The following SEPTIN9 variants were observed in gnomAD, a reference collection of about 807,000 sequenced individuals.
SEPTIN9 encodes septin-9.
A neutral mutation model predicts 56.6 loss-of-function variants in SEPTIN9; 13 were observed. The ratio of observed to expected loss-of-function variants is 0.23; its 90% CI spans 0.15 to 0.37. SEPTIN9 has a LOEUF of 0.37. Among genes scored for constraint, SEPTIN9 ranks in the 10% least tolerant of loss-of-function variants. The pLI, the probability that SEPTIN9 is intolerant of heterozygous loss-of-function variation, is 1.00. For synonymous variants in SEPTIN9, 332 were observed against 334.1 expected, an observed-to-expected ratio of 0.99 and a Z score of 0.07; for missense variants, 650 against 823.1, an observed-to-expected ratio of 0.79 and a Z score of 2.57.
At chr17:77,403,651 A>C (rs2035975530) in intron 3 of SEPTIN9, among the ~76,000 whole-genome samples, 1 of 152,238 alleles carries the variant, frequency 6.6e-6, no homozygotes, top group African/African-American at 2.4e-5. Context: ...CTCAAGAGCC[A>C]GGTCTGATTC....
At chr17:77,380,463 C>G (rs184773429) in intron 2 of SEPTIN9, among the ~76,000 whole-genome samples, 22 of 152,164 alleles carry the variant, frequency 1.4e-4, no homozygotes, top group African/African-American at 4.8e-4. Flanking sequence ...CTCCTGGCAT[C>G]TCTGGGCCAA....
intron 2 of SEPTIN9, among the ~76,000 whole-genome samples, chr17:77,363,960 G>A (rs1022613530): frequency 5.3e-5 from 8 of 152,016 alleles, no homozygotes; most frequent in African/African-American, 1.9e-4. Context: ...CCGAGTCATC[G>A]TGGCCAGTGA....
rs148420534 is a variant in SEPTIN9, at chr17:77,282,682, A to C, written c.19+1128A>C. Among the ~76,000 whole-genome samples the C allele has an allele frequency of 1.4e-3, 218 of 152,326 alleles. 1 individual carries two copies. Among genetic ancestry groups the C allele is most frequent in the African/African-American group, 5.1e-3 (210 of 41,566 alleles). On this transcript the variant is annotated intron_variant, in intron 1 of 11. Coordinates refer to ENST00000427177, the MANE Select transcript of SEPTIN9 (RefSeq NM_001113491.2). ...TTCTGGGTCAGTAGCTTAGAATTTC[A>C]ACTTTCACCCGGTTGTTGCGAACAA...
chr17:77,335,089 C>A (rs2033494523), intron 2 of SEPTIN9, among the ~76,000 whole-genome samples: 1 of 151,162 alleles, frequency 6.6e-6, no homozygotes, highest in African/African-American at 2.4e-5. Flanking sequence ...CATATCAGCC[C>A]TATATTGACT....
intron 3 of SEPTIN9, among the ~76,000 whole-genome samples, chr17:77,479,357 G>A (rs1233553594): frequency 1.3e-5 from 2 of 152,254 alleles, no homozygotes; most frequent in Non-Finnish European, 2.9e-5. Context: ...CCACTTGGGA[G>A]TCCTGAAGGC....
chr17:77,456,949 G>A lies in SEPTIN9; in HGVS notation c.722-25195G>A, dbSNP rs1045881511. Among the ~76,000 whole-genome samples, 2 of 152,254 alleles carry A rather than the reference G, an allele frequency of 1.3e-5. No individual in the cohort carries two copies. The highest frequency in any genetic ancestry group is 4.8e-5 in the African/African-American group (2 of 41,462). On this transcript the variant is annotated intron_variant, in intron 3 of 11. Transcript: ENST00000427177. The surrounding 1 kb of genome is among the most constrained non-coding windows in gnomAD (Gnocchi z 6.0). ...GCGCTGGGACCCTGGATGACTGAAG[G>A]AGGGCACGGTTGACTAAAGCTGCAG...
At chr17:77,349,436 T>C (rs1198786039) in intron 2 of SEPTIN9, among the ~76,000 whole-genome samples, 1 of 152,226 alleles carries the variant, frequency 6.6e-6, no homozygotes, top group East Asian at 1.9e-4. Flanking sequence ...TCTTGAACCA[T>C]AATTTCACTG....
chr17:77,395,427 G>A (rs1670075064), intron 2 of SEPTIN9, among the ~76,000 whole-genome samples: 1 of 151,918 alleles, frequency 6.6e-6, no homozygotes, highest in African/African-American at 2.4e-5. Context: ...TACTCGGGAG[G>A]CTGAGGCAGG....
intron 2 of SEPTIN9, among the ~76,000 whole-genome samples, chr17:77,337,135 G>T (rs1015424924): frequency 2.6e-5 from 4 of 151,332 alleles, no homozygotes; most frequent in Admixed American, 6.6e-5. Context: ...TAAGTAGCAG[G>T]GACTATAGGC....
intron 3 of SEPTIN9, among the ~76,000 whole-genome samples, chr17:77,422,270 A>G (rs2036732238): frequency 1.3e-5 from 2 of 152,228 alleles, no homozygotes; most frequent in African/African-American, 4.8e-5. Context: ...GCGCGTGGTC[A>G]GGCCTCTCGT....
At chr17:77,447,393 C>T (rs2037782794) in intron 3 of SEPTIN9, among the ~76,000 whole-genome samples, 1 of 152,226 alleles carries the variant, frequency 6.6e-6, no homozygotes, top group South Asian at 2.1e-4. Context: ...CACCAAAAAA[C>T]ATTCCAAGCT....
At position 77,450,844 on chromosome 17, in the gene SEPTIN9, C is replaced by T; in HGVS notation, c.722-31300C>T. 1 of 979,022 alleles carries T rather than the reference C, an allele frequency of 1.0e-6. No individual in the cohort carries two copies. The highest frequency in any genetic ancestry group is 1.2e-6 in the Non-Finnish European group (1 of 824,028). 60.6% of individuals were successfully genotyped at this position (979,022 alleles called of 1,614,324 possible). On this transcript the variant is annotated intron_variant, in intron 3 of 11. Coordinates refer to ENST00000427177, the MANE Select transcript of SEPTIN9 (RefSeq NM_001113491.2). This position sits in a 1 kb window ranked among gnomAD's most constrained non-coding sequence, Gnocchi z 6.0. Reference sequence around the variant, plus strand: ...TCCTGCTCCTTCTCCCTTCCATGGTCCCAGCCAGCAAGCACCTGGGGTAGA... The same window carrying T: ...TCCTGCTCCTTCTCCCTTCCATGGTTCCAGCCAGCAAGCACCTGGGGTAGA...
chr17:77,293,362 A>T (rs193158166), intron 1 of SEPTIN9, among the ~76,000 whole-genome samples: 13 of 152,146 alleles, frequency 8.5e-5, no homozygotes, highest in Admixed American at 7.9e-4. Context: ...AGGTCTTACT[A>T]TGTTGCCCAG....
At chr17:77,401,637 TG>T (rs1157938973) in intron 2 of SEPTIN9, among the ~76,000 whole-genome samples, 3 of 151,072 alleles carry the variant, frequency 2.0e-5, no homozygotes, top group Non-Finnish European at 4.4e-5. Context: ...TCCCAGCTAC[TG>T]GGGAGGCTGA....
chr17:77,372,932 T>G, intron 2 of SEPTIN9, among the ~76,000 whole-genome samples: 1 of 152,198 alleles, frequency 6.6e-6, no homozygotes, highest in Non-Finnish European at 1.5e-5. Context: ...GAACTTTGTT[T>G]GGCTGCCCAA....
intron 2 of SEPTIN9, among the ~76,000 whole-genome samples, chr17:77,366,817 TG>T (rs762736083): frequency 1.1e-4 from 16 of 151,606 alleles, no homozygotes; most frequent in Non-Finnish European, 1.5e-4. Context: ...TCGGATGAGG[TG>T]GGGGTGGGGA....
intron 4 of SEPTIN9, 147 bp downstream of exon 4, chr17:77,482,482 C>T (rs755860887): frequency 6.5e-5 from 54 of 833,252 alleles, no homozygotes; most frequent in Non-Finnish European, 7.7e-5. Flanking sequence ...AGTGACATTG[C>T]GTGTGCATGC....
In SEPTIN9 at chr17:77,451,113, G is replaced by C. The variant is rs2037949124; in HGVS notation, c.722-31031G>C. 6.4e-6 allele frequency: 1 copy of C among 155,356 alleles called. No homozygotes were observed. Among genetic ancestry groups the C allele is most frequent in the African/African-American group, 2.4e-5 (1 of 41,480 alleles). 9.6% of individuals were successfully genotyped at this position (155,356 alleles called of 1,614,324 possible). On this transcript the variant is annotated intron_variant, in intron 3 of 11. Transcript: ENST00000427177. The surrounding 1 kb of genome is among the most constrained non-coding windows in gnomAD (Gnocchi z 4.2). ...CCGCCTCTGGCAAGCACAGGGACAA[G>C]GGCAAGGACGGCATGGCCAGAGGTC...
rs560064992 is a variant in SEPTIN9 at position 77,488,818 on chromosome 17, A to G, written c.1216A>G (p.Thr406Ala). The G allele has an allele frequency of 6.2e-7, 1 of 1,613,638 alleles. No homozygotes were observed. The highest frequency in any genetic ancestry group is 1.1e-5 in the South Asian group (1 of 91,080). ...NINRKKRIPD[T>A]RVHCCLYFIP... ...CAACCGCAAGAAGCGCATCCCGGAC[A>G]CCCGCGTCCACTGCTGCCTCTACTT... The change falls in exon 7 of 12, where the codon ACC becomes GCC. Residue 406 changes from threonine to alanine, a missense_variant. This residue lies in a region of SEPTIN9 where 333 missense variants were observed against 494.0 expected (regional missense o/e 0.67). Coordinates refer to ENST00000427177, the MANE Select transcript of SEPTIN9 (RefSeq NM_001113491.2).
Sources: allele counts gnomAD v4.1 joint callset (sites outside exome capture counted in the v4.1 genomes callset), GRCh38; gene constraint gnomAD v4.1.1; regional missense constraint gnomAD v4.1.1; non-coding constraint Gnocchi (gnomAD v3.1); transcripts MANE v1.5; gene names NCBI Gene and HGNC (gene_info 2026-07-23, HGNC 2026-07-21).